Variants in SLC7A1 observed in about 807,000 individuals in gnomAD.
The protein encoded by SLC7A1 is solute carrier family 7 member 1, also known as high affinity cationic amino acid transporter 1.
Under a neutral mutation model 53.9 loss-of-function variants are expected in SLC7A1, and 10 were observed. That is an observed-to-expected ratio of 0.19 (90% CI 0.11 to 0.31). SLC7A1 has a LOEUF of 0.31. SLC7A1 is among the 10% of genes least tolerant of loss of function. The probability of loss-of-function intolerance (pLI) is 1.00; values close to 1 mark genes in which losing one functional copy is unlikely to be tolerated. For synonymous variants in SLC7A1, 342 were observed against 338.7 expected (o/e 1.01, Z -0.11); for missense variants, 525 against 827.2 (o/e 0.63, Z 4.48).
intron 2 of SLC7A1, among the ~76,000 whole-genome samples, chr13:29,552,179 T>C (rs150170077): frequency 3.4e-3 from 512 of 151,730 alleles, no homozygotes; most frequent in African/African-American, 0.012. Context: ...CAAATGACTG[T>C]TAAGAATGTA....
At position 29,524,256 on chromosome 13, in the gene SLC7A1, A is replaced by AGAAAAAAGAGCCG; in HGVS notation, c.705-16_705-4dup. On this transcript the variant is annotated splice_polypyrimidine_tract_variant and splice_region_variant and intron_variant, in intron 5 of 12. Coordinates refer to ENST00000380752, the MANE Select transcript of SLC7A1 (RefSeq NM_003045.5). ...CGGGCTTCCCTTCTTTTGTGTCACT[A>AGAAAAAAGAGCCG]GAAAAAAGAGCCGCAAACAAATGTC... 6.2e-7 allele frequency: 1 copy of AGAAAAAAGAGCCG among 1,614,128 alleles called. No individual in the cohort carries two copies. The highest frequency in any genetic ancestry group is 1.1e-5 in the South Asian group (1 of 91,080).
chr13:29,543,898 G>A (rs1869786563), intron 2 of SLC7A1, among the ~76,000 whole-genome samples: 1 of 152,124 alleles, frequency 6.6e-6, no homozygotes, highest in Admixed American at 6.5e-5. Flanking sequence ...TACCACAGGT[G>A]CCATTCCTTG....
At chr13:29,533,681 C>A (rs1198618499) in intron 3 of SLC7A1, among the ~76,000 whole-genome samples, 1 of 152,146 alleles carries the variant, frequency 6.6e-6, no homozygotes, top group Admixed American at 6.5e-5. Flanking sequence ...TCCCCTCAGC[C>A]TGCACCCTCC....
At position 29,519,506 on chromosome 13, in the gene SLC7A1, G is replaced by C; in HGVS notation, c.1233C>G (p.Leu411=). Residue 411 remains leucine, a synonymous_variant, in exon 9 of 13, where the codon CTC becomes CTG. Coordinates refer to ENST00000380752, the MANE Select transcript of SLC7A1 (RefSeq NM_003045.5). ...FLFDLKDLVD[L]MSIGTLLAYS... ...AAGCCAGGAGAGTGCCAATGGACAT[G>C]AGGTCCACCAAGTCCTTCAGGTCAA... The C allele has an allele frequency of 6.2e-7, 1 of 1,613,700 alleles. No homozygotes were observed. The highest frequency in any genetic ancestry group is 8.5e-7 in the Non-Finnish European group (1 of 1,179,708).
At chr13:29,548,835 C>T (rs143118060) in intron 2 of SLC7A1, among the ~76,000 whole-genome samples, 42 of 152,354 alleles carry the variant, frequency 2.8e-4, no homozygotes, top group African/African-American at 1.0e-3. Context: ...AACACACACC[C>T]GTAGTTACCA....
At chr13:29,522,566 A>C in intron 7 of SLC7A1, 110 bp from the exon 8 acceptor site, 1 of 1,192,462 alleles carries the variant, frequency 8.4e-7, no homozygotes, top group Middle Eastern at 2.1e-4. Flanking sequence ...TGAGCTCACC[A>C]AGAGCTGCCG....
At chr13:29,589,509 G>A (rs868180785) in intron 1 of SLC7A1, among the ~76,000 whole-genome samples, 3 of 152,238 alleles carry the variant, frequency 2.0e-5, no homozygotes, top group Non-Finnish European at 4.4e-5. Context: ...ACGTCCCAGC[G>A]CAGCTGCCCC....
At chr13:29,593,005 C>A (rs997625727) in intron 1 of SLC7A1, among the ~76,000 whole-genome samples, 2 of 152,010 alleles carry the variant, frequency 1.3e-5, no homozygotes, top group East Asian at 1.9e-4. Context: ...CCAGATTTGG[C>A]GAGAGGAGCC....
intron 1 of SLC7A1, among the ~76,000 whole-genome samples, chr13:29,590,750 G>C (rs995620857): frequency 6.6e-6 from 1 of 152,146 alleles, no homozygotes; most frequent in South Asian, 2.1e-4. Flanking sequence ...CCCAAGGAAA[G>C]AGCACAACAT....
intron 1 of SLC7A1, among the ~76,000 whole-genome samples, chr13:29,557,401 A>T (rs1870485358): frequency 6.6e-6 from 1 of 152,082 alleles, no homozygotes; most frequent in African/African-American, 2.4e-5. Context: ...GAGTGTACTG[A>T]CAGAAACCTA....
intron 8 of SLC7A1, 94 bp downstream of exon 8, chr13:29,522,223 T>A: frequency 1.6e-6 from 2 of 1,253,146 alleles, no homozygotes; most frequent in South Asian, 1.4e-5. Context: ...CCAGTTAAGA[T>A]TACTCACAGA....
intron 5 of SLC7A1, among the ~76,000 whole-genome samples, chr13:29,527,038 C>A (rs1868925176): frequency 6.7e-6 from 1 of 150,264 alleles, no homozygotes; most frequent in Non-Finnish European, 1.5e-5. Flanking sequence ...GTGCCGGGAC[C>A]CTGGGCAACC....
At position 29,561,812 on chromosome 13, in the gene SLC7A1, T is replaced by C. The variant is rs117811708; in HGVS notation, c.-114-7952A>G. Among the ~76,000 whole-genome samples, 827 of 152,206 alleles carry C rather than the reference T, an allele frequency of 5.4e-3. 2 individuals carry two copies. Among genetic ancestry groups the C allele is most frequent in the Non-Finnish European group, 9.4e-3 (636 of 68,012 alleles). On this transcript the variant is annotated intron_variant, in intron 1 of 12. Transcript: ENST00000380752. ...CCCCTTTTGTGATGGGCCCCACACA[T>C]GGCACCACCGGACTGCATCAATGGC...
chr13:29,516,352 C>A, intron 11 of SLC7A1, 106 bp from the exon 12 acceptor site: 1 of 728,660 alleles, frequency 1.4e-6, no homozygotes, highest in Non-Finnish European at 2.4e-6. Flanking sequence ...CAGGGACCGT[C>A]GGGCGAGTGT....
intron 12 of SLC7A1, 34 bp downstream of exon 12, chr13:29,516,104 G>C (rs1397891960): frequency 1.4e-6 from 2 of 1,388,056 alleles, no homozygotes; most frequent in Admixed American, 1.7e-5. Flanking sequence ...GGGGAAGCCA[G>C]GATCTTGGAC....
In SLC7A1 at chr13:29,535,988, G is replaced by A; in HGVS notation, c.201C>T (p.Val67=). The change falls in exon 3 of 13, where the codon GTC becomes GTT. Residue 67 remains valine (V), a synonymous_variant. Transcript: ENST00000380752. ...VARENAGPAI[V]ISFLIAALAS... ...CCAGCGCAGCGATCAGGAAGGAGAT[G>A]ACAATGGCAGGGCCTGCATTCTCAC... The A allele has an allele frequency of 6.2e-7, 1 of 1,614,138 alleles. No individual in the cohort carries two copies.
chr13:29,524,551 G>A (rs1402340451), intron 5 of SLC7A1, among the ~76,000 whole-genome samples: 1 of 152,210 alleles, frequency 6.6e-6, no homozygotes, highest in Non-Finnish European at 1.5e-5. Flanking sequence ...GGGTCCAACA[G>A]GAAATGGGGG....
chr13:29,538,105 G>A (rs1340459930), intron 2 of SLC7A1, among the ~76,000 whole-genome samples: 1 of 152,152 alleles, frequency 6.6e-6, no homozygotes, highest in Non-Finnish European at 1.5e-5. Flanking sequence ...ATAAAATTTT[G>A]AGCTAGAATG....
intron 2 of SLC7A1, among the ~76,000 whole-genome samples, chr13:29,549,013 T>C (rs1449401102): frequency 6.6e-6 from 1 of 152,222 alleles, no homozygotes; most frequent in Non-Finnish European, 1.5e-5. Context: ...ACTTCTAATC[T>C]GAAAGGAATG....
Sources: gnomAD v4.1 joint callset for allele counts (sites outside exome capture counted in the v4.1 genomes callset) on GRCh38, gnomAD v4.1.1 for gene constraint, MANE v1.5 for transcripts, NCBI Gene and HGNC (gene_info 2026-07-23, HGNC 2026-07-21) for gene names.